PALS2: variants seen among roughly 807,000 people sequenced by gnomAD.
The protein encoded by PALS2 is protein PALS2.
Under a neutral mutation model 61.6 loss-of-function variants are expected in PALS2, and 27 were observed. The ratio of observed to expected loss-of-function variants is 0.44; its 90% confidence interval spans 0.32 to 0.60. PALS2 has a LOEUF of 0.60. PALS2 is among the 20% of genes least tolerant of loss of function. The probability of loss-of-function intolerance (pLI) is 0.05; values close to 1 mark genes in which losing one functional copy is unlikely to be tolerated. For missense variants in PALS2, 554 were observed against 639.4 expected (o/e 0.87, Z 1.44); for synonymous variants, 236 against 218.6 (o/e 1.08, Z -0.70).
In PALS2 at chr7:24,668,624, G is replaced by C. The variant is rs1450409557; in HGVS notation, c.1078G>C (p.Val360Leu). Residue 360 changes from valine to leucine, a missense_variant, in exon 9 of 12, where the codon GTA (valine) becomes CTA (leucine). Val to Leu is a conservative substitution (Grantham distance 32). Coordinates refer to ENST00000222644, the MANE Select transcript of PALS2 (RefSeq NM_001303037.2). ...GRRSLKNRFI[V>L]LNPTRFGTTV... ...AAGAAGCTTGAAAAACAGGTTCATA[G>C]TATTGAATCCCACTAGATTTGGAAC... The C allele has an allele frequency of 6.2e-7, 1 of 1,613,818 alleles. No homozygotes were observed.
chr7:24,663,131 C>T (rs1440750977), intron 5 of PALS2, among the ~76,000 whole-genome samples: 1 of 152,160 alleles, frequency 6.6e-6, no homozygotes, highest in Non-Finnish European at 1.5e-5. Flanking sequence ...TCATATCTGA[C>T]TTCAACATCA....
At chr7:24,643,115 A>G (rs1327336655) in intron 3 of PALS2, among the ~76,000 whole-genome samples, 2 of 152,294 alleles carry the variant, frequency 1.3e-5, no homozygotes, top group Admixed American at 1.3e-4. Flanking sequence ...TGATAACACA[A>G]TTTATGACTT....
At chr7:24,661,549 C>G (rs906748088) in intron 5 of PALS2, among the ~76,000 whole-genome samples, 2 of 152,090 alleles carry the variant, frequency 1.3e-5, no homozygotes, top group African/African-American at 2.4e-5. Flanking sequence ...TGACAGGATT[C>G]TCTTGCTATT....
At chr7:24,639,410 A>G (rs1271660975) in intron 2 of PALS2, among the ~76,000 whole-genome samples, 1 of 68,140 alleles carries the variant, frequency 1.5e-5, no homozygotes, top group East Asian at 7.6e-4. Context: ...CTGAATACAC[A>G]CACACACACA....
At chr7:24,622,185 T>C (rs561742113) in intron 1 of PALS2, among the ~76,000 whole-genome samples, 29 of 152,022 alleles carry the variant, frequency 1.9e-4, no homozygotes, top group Admixed American at 3.3e-4. Context: ...GGAATGAGCT[T>C]GTCAATTTCT....
intron 5 of PALS2, among the ~76,000 whole-genome samples, chr7:24,656,103 T>G (rs565735840): frequency 1.0e-3 from 155 of 152,336 alleles, no homozygotes; most frequent in African/African-American, 3.5e-3. Flanking sequence ...ATAATCACTT[T>G]GTTCACCATC....
At chr7:24,630,326 G>A (rs1006824896) in intron 2 of PALS2, among the ~76,000 whole-genome samples, 2 of 152,092 alleles carry the variant, frequency 1.3e-5, no homozygotes, top group Admixed American at 1.3e-4. Context: ...ACCGATCCCT[G>A]TCGGGGGTTT....
chr7:24,576,390 A>G (rs972476201), intron 1 of PALS2, among the ~76,000 whole-genome samples: 6 of 152,138 alleles, frequency 3.9e-5, no homozygotes, highest in African/African-American at 7.2e-5. Context: ...TTCCTTCTTT[A>G]CATACATTGG....
intron 11 of PALS2, among the ~76,000 whole-genome samples, chr7:24,686,856 A>C (rs1788231963): frequency 6.6e-6 from 1 of 152,232 alleles, no homozygotes; most frequent in Non-Finnish European, 1.5e-5. Flanking sequence ...ATCATTCCAA[A>C]ATGACTAAAA....
At chr7:24,665,537 T>A in intron 6 of PALS2, 51 bp from the exon 7 acceptor site, 1 of 1,524,576 alleles carries the variant, frequency 6.6e-7, no homozygotes, top group Non-Finnish European at 9.1e-7. Context: ...TAATAGAATA[T>A]GGTCTCAAAT....
At position 24,687,554 on chromosome 7, in the gene PALS2, A is replaced by G; in HGVS notation, c.1563A>G (p.Gln521=). 1.2e-6 allele frequency: 2 copies of G among 1,613,234 alleles called. No homozygotes were observed. Among genetic ancestry groups the G allele is most frequent in the Non-Finnish European group, 1.7e-6 (2 of 1,179,716 alleles). ...DNLDKAFEKL[Q]TAIEKLRMEP... ...TAGACAAAGCCTTTGAAAAACTGCA[A>G]ACTGCCATAGAGAAACTGAGAATGG... is the stretch of plus-strand genomic sequence containing the variant. The change falls in exon 12 of 12, where the codon CAA becomes CAG. Residue 521 remains glutamine (Q), a synonymous_variant. Transcript: ENST00000222644. The surrounding 1 kb of genome is among the most constrained non-coding windows in gnomAD (Gnocchi z 4.5).
intron 1 of PALS2, among the ~76,000 whole-genome samples, chr7:24,581,055 A>G (rs1375673095): frequency 6.6e-6 from 1 of 152,178 alleles, no homozygotes; most frequent in African/African-American, 2.4e-5. Flanking sequence ...GACATTTGAA[A>G]TCAGTATAAT....
At chr7:24,616,041 T>G (rs1784282940) in intron 1 of PALS2, among the ~76,000 whole-genome samples, 1 of 152,070 alleles carries the variant, frequency 6.6e-6, no homozygotes, top group African/African-American at 2.4e-5. Context: ...AGAGAAGAAA[T>G]GTACCTTAAC....
In PALS2 at chr7:24,691,778, T is replaced by C. The variant is rs1010866199; in HGVS notation, c.*4164T>C. The stretch of plus-strand genomic sequence containing the variant: ...TCTTTAATATGATTCAGGCTGAGAT[T>C]ATGATACCTGCCCTTGTCTTATTTC... On this transcript the variant is annotated 3_prime_UTR_variant, in exon 12 of 12. Transcript: ENST00000222644. 1 of 152,072 alleles carries C rather than the reference T, an allele frequency of 6.6e-6. No homozygotes were observed. The highest frequency in any genetic ancestry group is 1.9e-4 in the East Asian group (1 of 5,194). The allele number at this position is 152,072 out of a possible 1,614,324, so 9.4% of individuals were successfully genotyped here.
intron 1 of PALS2, among the ~76,000 whole-genome samples, chr7:24,597,604 A>G (rs1783570471): frequency 6.6e-6 from 1 of 152,192 alleles, no homozygotes; most frequent in Non-Finnish European, 1.5e-5. Context: ...ATGAAAAAAT[A>G]TTGAAGTTTT....
At chr7:24,578,870 C>T (rs1457326814) in intron 1 of PALS2, among the ~76,000 whole-genome samples, 1 of 152,104 alleles carries the variant, frequency 6.6e-6, no homozygotes, top group African/African-American at 2.4e-5. Flanking sequence ...ATCTTGAAAT[C>T]TGAAGTATCT....
chr7:24,651,032 G>A (rs117122959), intron 5 of PALS2, among the ~76,000 whole-genome samples: 1,913 of 152,116 alleles, frequency 0.013, 20 homozygotes, highest in Non-Finnish European at 0.016. Context: ...TTATGTTCAG[G>A]CATTGTATTA....
intron 1 of PALS2, among the ~76,000 whole-genome samples, chr7:24,578,710 A>G (rs918100658): frequency 4.6e-5 from 7 of 152,178 alleles, no homozygotes; most frequent in African/African-American, 1.4e-4. Flanking sequence ...TGTTCAATAA[A>G]CTATATCTCA....
intron 2 of PALS2, among the ~76,000 whole-genome samples, chr7:24,640,562 T>C (rs1203465043): frequency 1.3e-5 from 2 of 152,196 alleles, no homozygotes; most frequent in Non-Finnish European, 2.9e-5. Flanking sequence ...TGTTTATGAA[T>C]TAAATTTTGA....
Sources: gnomAD v4.1 joint callset for allele counts (sites outside exome capture counted in the v4.1 genomes callset) on GRCh38, gnomAD v4.1.1 for gene constraint, Gnocchi (gnomAD v3.1) non-coding constraint, MANE v1.5 for transcripts, NCBI Gene and HGNC (gene_info 2026-07-23, HGNC 2026-07-21) for gene names.